The following PPFIA2 variants were observed in gnomAD, a reference collection of about 807,000 sequenced individuals.
The protein encoded by PPFIA2 is PPFI scaffold protein A2.
A neutral mutation model predicts 175.5 loss-of-function variants in PPFIA2; 46 were observed. The observed-to-expected ratio is 0.26, with a 90% CI of 0.21 to 0.34. The LOEUF (loss-of-function observed/expected upper bound fraction) is 0.34. PPFIA2 is among the 10% of genes least tolerant of loss of function. The pLI, the probability that PPFIA2 is intolerant of heterozygous loss-of-function variation, is 1.00. For missense variants in PPFIA2, 1,179 were observed against 1,506.1 expected (o/e 0.78, Z 3.60); for synonymous variants, 568 against 511.4 (o/e 1.11, Z -1.49).
At position 81,642,810 on chromosome 12, in the gene PPFIA2, T is replaced by TATGTATGTATATAATATA. The variant is rs1555549952; in HGVS notation, c.303+33980_303+33981insTATATTATATACATACAT. ...ACATACATGTATATGTATGTATGTATTACATACATGTATATGTATGTATGT... is the reference window on the plus strand; with the variant it reads ...ACATACATGTATATGTATGTATGTATATGTATGTATATAATATATACATACATGTATATGTATGTATGT... On this transcript the variant is annotated intron_variant, in intron 4 of 32. Transcript: ENST00000549396. 8.1e-5 allele frequency among the ~76,000 whole-genome samples: 2 copies of TATGTATGTATATAATATA among 24,682 alleles called. 1 individual carries two copies. Among genetic ancestry groups the TATGTATGTATATAATATA allele is most frequent in the African/African-American group, 3.2e-4 (2 of 6,184 alleles). 16.2% of individuals were successfully genotyped at this position (24,682 alleles called of 152,430 possible). A position where few individuals can be genotyped will look rare whatever the true frequency, so the allele number is the denominator to read the frequency against.
intron 4 of PPFIA2, among the ~76,000 whole-genome samples, chr12:81,555,498 A>T (rs1008792527): frequency 6.6e-6 from 1 of 151,980 alleles, no homozygotes; most frequent in African/African-American, 2.4e-5. Context: ...ATTATGCTTT[A>T]TTATTCTGCA....
intron 8 of PPFIA2, among the ~76,000 whole-genome samples, chr12:81,392,716 T>C (rs2040375308): frequency 6.6e-6 from 1 of 152,030 alleles, no homozygotes. Flanking sequence ...ATTTTCACAC[T>C]TGGCTGTCAA....
intron 22 of PPFIA2, among the ~76,000 whole-genome samples, chr12:81,307,925 TAAC>T (rs1301444045): frequency 4.6e-5 from 7 of 151,088 alleles, no homozygotes; most frequent in African/African-American, 1.7e-4. Flanking sequence ...ATCACCATCA[TAAC>T]AACTTTAACT....
intron 4 of PPFIA2, among the ~76,000 whole-genome samples, chr12:81,642,932 T>A: frequency 6.9e-6 from 1 of 144,536 alleles, no homozygotes; most frequent in South Asian, 2.2e-4. Context: ...TGTGTATATA[T>A]AACATATGTA....
intron 4 of PPFIA2, among the ~76,000 whole-genome samples, chr12:81,501,282 A>G (rs891949351): frequency 3.3e-5 from 5 of 152,072 alleles, no homozygotes; most frequent in Admixed American, 2.0e-4. Flanking sequence ...CACCTTTTCC[A>G]AGATAGTTAT....
intron 4 of PPFIA2, among the ~76,000 whole-genome samples, chr12:81,636,223 C>A (rs1052447012): frequency 1.3e-5 from 2 of 151,746 alleles, no homozygotes; most frequent in Admixed American, 6.6e-5. Context: ...AGTTAATAGT[C>A]CTCAAACGTA....
At chr12:81,742,891 C>T (rs2082501707) in intron 3 of PPFIA2, among the ~76,000 whole-genome samples, 1 of 152,132 alleles carries the variant, frequency 6.6e-6, no homozygotes, top group Non-Finnish European at 1.5e-5. Context: ...GGGGGATCCA[C>T]TGTCTAAAGT....
intron 3 of PPFIA2, among the ~76,000 whole-genome samples, chr12:81,693,709 G>A (rs1276243215): frequency 6.6e-6 from 1 of 152,140 alleles, no homozygotes; most frequent in African/African-American, 2.4e-5. Context: ...GGAGGGCTCA[G>A]AAGAATACAA....
At position 81,290,310 on chromosome 12, in the gene PPFIA2, T is replaced by C. The variant is rs1192861832; in HGVS notation, c.2925+4525A>G. ...TGTAAGTGTGAATTCTAATACATAA[T>C]GTTAGGTTATGACTTTATGTAGTGG... On this transcript the variant is annotated intron_variant, in intron 24 of 32. Coordinates refer to ENST00000549396, the MANE Select transcript of PPFIA2 (RefSeq NM_003625.5). 2.0e-5 allele frequency among the ~76,000 whole-genome samples: 3 copies of C among 151,788 alleles called. No homozygotes were observed. In the East Asian group the frequency reaches 5.8e-4, roughly 29 times the overall value.
chr12:81,396,294 C>T (rs894502618), intron 8 of PPFIA2, among the ~76,000 whole-genome samples: 1 of 152,064 alleles, frequency 6.6e-6, no homozygotes, highest in African/African-American at 2.4e-5. Flanking sequence ...AGGTTATTAT[C>T]TAACTGGGCT....
chr12:81,549,259 T>C (rs1441702426), intron 4 of PPFIA2, among the ~76,000 whole-genome samples: 3 of 152,098 alleles, frequency 2.0e-5, no homozygotes, highest in East Asian at 3.8e-4. Flanking sequence ...GTAAGAGTTA[T>C]ATGTTTTACT....
intron 4 of PPFIA2, among the ~76,000 whole-genome samples, chr12:81,588,170 T>TCC (rs77604881): frequency 0.061 from 9,242 of 151,988 alleles, 400 homozygotes; most frequent in East Asian, 0.22. Context: ...GGGATAATAG[T>TCC]CCAGGATGGG....
intron 4 of PPFIA2, among the ~76,000 whole-genome samples, chr12:81,658,946 A>G (rs529341847): frequency 1.3e-5 from 2 of 152,304 alleles, no homozygotes; most frequent in African/African-American, 4.8e-5. Context: ...TAAATAATTT[A>G]ACCAGGAAGT....
At chr12:81,327,498 G>A (rs2055061721) in intron 21 of PPFIA2, among the ~76,000 whole-genome samples, 2 of 151,924 alleles carry the variant, frequency 1.3e-5, no homozygotes, top group African/African-American at 4.8e-5. Context: ...ATTATTCATA[G>A]TCTTCAAATA....
chr12:81,730,172 G>GA (rs2080680452), intron 3 of PPFIA2, among the ~76,000 whole-genome samples: 1 of 151,510 alleles, frequency 6.6e-6, no homozygotes, highest in African/African-American at 2.4e-5. Flanking sequence ...TTTGCATAGA[G>GA]AAAGTTCTAC....
At chr12:81,341,289 A>C in intron 19 of PPFIA2, 81 bp from the exon 20 acceptor site, 2 of 1,365,744 alleles carry the variant, frequency 1.5e-6, no homozygotes, top group East Asian at 4.8e-5. Flanking sequence ...TCATGAGAAC[A>C]AGGCTGTCGA....
At chr12:81,491,735 G>T (rs1457186876) in intron 4 of PPFIA2, among the ~76,000 whole-genome samples, 1 of 151,860 alleles carries the variant, frequency 6.6e-6, no homozygotes, top group Non-Finnish European at 1.5e-5. Context: ...AAGCCACTCG[G>T]TCCATGGTAT....
At chr12:81,516,472 C>T (rs776038787) in intron 4 of PPFIA2, among the ~76,000 whole-genome samples, 5 of 152,070 alleles carry the variant, frequency 3.3e-5, no homozygotes, top group Non-Finnish European at 7.4e-5. Flanking sequence ...AAGTTTGAAC[C>T]TATTTGGAAA....
At position 81,683,285 on chromosome 12, in the gene PPFIA2, C is replaced by A. The variant is rs142772918; in HGVS notation, c.250-6441G>T. ...GAATTTGACTACATCTCATTACCTTCATTCCTGTCATCCTAATCCCTTGTA... is the reference window on the plus strand; with the variant it reads ...GAATTTGACTACATCTCATTACCTTAATTCCTGTCATCCTAATCCCTTGTA... On this transcript the variant is annotated intron_variant, in intron 3 of 32. Coordinates refer to ENST00000549396, the MANE Select transcript of PPFIA2 (RefSeq NM_003625.5). Among the ~76,000 whole-genome samples, 8 of 152,044 alleles carry A rather than the reference C, an allele frequency of 5.3e-5. No individual in the cohort carries two copies. The East Asian group carries it at 1.6e-3, about 30-fold the overall frequency.
Sources: allele counts gnomAD v4.1 joint callset (sites outside exome capture counted in the v4.1 genomes callset), GRCh38; gene constraint gnomAD v4.1.1; transcripts MANE v1.5; gene names NCBI Gene and HGNC (gene_info 2026-07-23, HGNC 2026-07-21).